The following CYFIP2 variants were observed in gnomAD, a reference collection of about 807,000 sequenced individuals.
CYFIP2 encodes the protein cytoplasmic FMR1 interacting protein 2.
In CYFIP2, 29 loss-of-function variants were observed where a neutral mutation model predicts 158.7. The observed-to-expected ratio is 0.18, with a 90% CI of 0.14 to 0.25. The LOEUF is 0.25. Ranked by LOEUF, CYFIP2 falls within the 10% of genes least tolerant of loss-of-function variation. The pLI, the probability that CYFIP2 is intolerant of heterozygous loss-of-function variation, is 1.00. For synonymous variants in CYFIP2, 585 were observed against 617.6 expected (o/e 0.95, Z 0.78); for missense variants, 852 against 1,639.5 (o/e 0.52, Z 8.29).
chr5:157,351,980 A>C (rs1763103197), intron 23 of CYFIP2, among the ~76,000 whole-genome samples: 1 of 152,194 alleles, frequency 6.6e-6, no homozygotes, highest in Non-Finnish European at 1.5e-5. Flanking sequence ...TCTGTGCAAG[A>C]GCTCTGTCAC....
At chr5:157,310,191 CAGGTT>C (rs1759590185) in intron 10 of CYFIP2, among the ~76,000 whole-genome samples, 1 of 152,192 alleles carries the variant, frequency 6.6e-6, no homozygotes, top group Non-Finnish European at 1.5e-5. Context: ...CTGATCCTCT[CAGGTT>C]AGGTGACCGT....
chr5:157,290,263 A>G (rs1757713574), intron 3 of CYFIP2, among the ~76,000 whole-genome samples: 1 of 152,238 alleles, frequency 6.6e-6, no homozygotes. Context: ...TTACTGAGTT[A>G]AAATCAGGGT....
At chr5:157,388,451 C>T (rs1260597802) in intron 28 of CYFIP2, among the ~76,000 whole-genome samples, 2 of 152,198 alleles carry the variant, frequency 1.3e-5, no homozygotes, top group Non-Finnish European at 2.9e-5. Context: ...GCACATTCAA[C>T]TGTACAGAAG....
intron 7 of CYFIP2, 25 bp from the exon 8 acceptor site, chr5:157,304,213 A>G: frequency 1.2e-6 from 2 of 1,606,576 alleles, no homozygotes; most frequent in South Asian, 2.2e-5. Flanking sequence ...GCGCTGCCTA[A>G]CCTGAGGGTG....
At chr5:157,302,761 T>C (rs1443534621) in intron 6 of CYFIP2, 33 bp from the exon 7 acceptor site, 1 of 1,538,478 alleles carries the variant, frequency 6.5e-7, no homozygotes, top group South Asian at 1.2e-5. Flanking sequence ...ACTTGGACAG[T>C]CCTCTCTGCA....
At chr5:157,342,571 T>G in intron 23 of CYFIP2, 1 of 319,004 alleles carries the variant, frequency 3.1e-6, no homozygotes, top group Non-Finnish European at 5.8e-6. Context: ...CTTTCTACTT[T>G]ATAACATATC....
intron 26 of CYFIP2, among the ~76,000 whole-genome samples, chr5:157,378,496 T>A (rs1319273092): frequency 6.6e-6 from 1 of 152,168 alleles, no homozygotes; most frequent in Non-Finnish European, 1.5e-5. Flanking sequence ...ACTTTGCAAT[T>A]TAATGACATG....
intron 3 of CYFIP2, chr5:157,288,530 A>G: frequency 2.2e-6 from 1 of 450,220 alleles, no homozygotes; most frequent in Non-Finnish European, 4.5e-6. Flanking sequence ...ATGCAAGGGC[A>G]GATAGGGGCC....
At position 157,311,445 on chromosome 5, in the gene CYFIP2, G is replaced by A. The variant is rs1759713745; in HGVS notation, c.993-219G>A. ...AAAGGCCTACAGTTGGATCCTAGATGAGGCTGGCACCAAAGAGGAGGAGGA... is the reference window on the plus strand; with the variant it reads ...AAAGGCCTACAGTTGGATCCTAGATAAGGCTGGCACCAAAGAGGAGGAGGA... On this transcript the variant is annotated intron_variant, in intron 10 of 30. Coordinates refer to ENST00000620254, the MANE Select transcript of CYFIP2 (RefSeq NM_001037333.3). The surrounding 1 kb of genome is among the most constrained non-coding windows in gnomAD (Gnocchi z 4.7). 1 of 572,714 alleles carries A rather than the reference G, an allele frequency of 1.7e-6. No homozygotes were observed. The highest frequency in any genetic ancestry group is 3.1e-6 in the Non-Finnish European group (1 of 319,170). The allele number at this position is 572,714 out of a possible 1,614,324, so 35.5% of individuals were successfully genotyped here.
At chr5:157,286,550 A>ATGTG (rs144860292) in intron 2 of CYFIP2, among the ~76,000 whole-genome samples, 3,258 of 109,888 alleles carry the variant, frequency 0.03, 69 homozygotes, top group African/African-American at 0.065. Flanking sequence ...ATGCTATTTT[A>ATGTG]TGTATATATA....
At chr5:157,383,681 C>T (rs1321257180) in intron 28 of CYFIP2, 2 of 208,916 alleles carry the variant, frequency 9.6e-6, no homozygotes, top group Non-Finnish European at 1.9e-5. Context: ...ACTCCACATA[C>T]TCTGTGAGCC....
chr5:157,285,655 T>C (rs1205595671), intron 2 of CYFIP2, among the ~76,000 whole-genome samples, 177 bp downstream of exon 2: 2 of 152,228 alleles, frequency 1.3e-5, no homozygotes, highest in African/African-American at 2.4e-5. Context: ...AGCTACTAAA[T>C]GTGCCGCAGG....
At chr5:157,321,769 C>T (rs901025501) in intron 15 of CYFIP2, among the ~76,000 whole-genome samples, 9 of 152,038 alleles carry the variant, frequency 5.9e-5, no homozygotes, top group Non-Finnish European at 1.3e-4. Context: ...GGTGGGTTCT[C>T]GGCAGGGTCA....
chr5:157,310,482 T>C (rs1165513975), intron 10 of CYFIP2, among the ~76,000 whole-genome samples: 2 of 152,226 alleles, frequency 1.3e-5, no homozygotes, highest in East Asian at 3.8e-4. Context: ...TAAGAAGATA[T>C]GAATGGAGTG....
intron 21 of CYFIP2, among the ~76,000 whole-genome samples, chr5:157,337,758 G>A (rs1264451758): frequency 6.6e-6 from 1 of 152,254 alleles, no homozygotes; most frequent in Non-Finnish European, 1.5e-5. Flanking sequence ...ACCCGGCCAT[G>A]CTCTGATGAA....
chr5:157,330,530 A>G (rs1480194157), intron 19 of CYFIP2, among the ~76,000 whole-genome samples: 2 of 152,184 alleles, frequency 1.3e-5, no homozygotes, highest in Non-Finnish European at 2.9e-5. Context: ...TGTGTTGCCC[A>G]TCTTTAACTT....
At chr5:157,304,454 T>C in intron 8 of CYFIP2, 88 bp downstream of exon 8, 1 of 1,450,930 alleles carries the variant, frequency 6.9e-7, no homozygotes, top group East Asian at 2.3e-5. Context: ...AAAACAATGT[T>C]TCTTTTTTCT....
At chr5:157,332,169 G>A (rs11741790) in intron 20 of CYFIP2, among the ~76,000 whole-genome samples, 23,921 of 152,204 alleles carry the variant, frequency 0.16, 2,200 homozygotes, top group Middle Eastern at 0.26. Flanking sequence ...AGCCTACCCT[G>A]AACCTCTTCC....
intron 26 of CYFIP2, among the ~76,000 whole-genome samples, chr5:157,368,708 ATGGTC>A (rs1764668925): frequency 2.2e-5 from 3 of 138,596 alleles, no homozygotes; most frequent in Admixed American, 1.4e-4. Context: ...TTGGGAAAAA[ATGGTC>A]TGACAGTTAA....
Sources: gnomAD v4.1 joint callset for allele counts (sites outside exome capture counted in the v4.1 genomes callset) on GRCh38, gnomAD v4.1.1 for gene constraint, Gnocchi (gnomAD v3.1) non-coding constraint, MANE v1.5 for transcripts, NCBI Gene and HGNC (gene_info 2026-07-23, HGNC 2026-07-21) for gene names.